Variants in GRB14 observed in about 807,000 individuals in gnomAD.
GRB14 encodes the protein growth factor receptor-bound protein 14.
Under a neutral mutation model 69.1 loss-of-function variants are expected in GRB14, and 38 were observed. That is an observed-to-expected ratio of 0.55 (90% CI 0.42 to 0.72). GRB14 has a LOEUF of 0.72. Among genes scored for constraint, GRB14 ranks in the 30% least tolerant of loss-of-function variants. GRB14 has a pLI of 0.00. For missense variants in GRB14, 666 were observed against 666.1 expected (o/e 1.00, Z 0.00); for synonymous variants, 247 against 241.3 (o/e 1.02, Z -0.22).
At chr2:164,516,525 T>C (rs1009157088) in intron 6 of GRB14, among the ~76,000 whole-genome samples, 4 of 150,102 alleles carry the variant, frequency 2.7e-5, no homozygotes, top group South Asian at 4.2e-4. Context: ...AGATTAACAG[T>C]GGATCTCTCA....
At chr2:164,602,901 T>C (rs1333250336) in intron 2 of GRB14, among the ~76,000 whole-genome samples, 1 of 152,200 alleles carries the variant, frequency 6.6e-6, no homozygotes, top group Non-Finnish European at 1.5e-5. Context: ...AGCTAGCTAT[T>C]TAAAGATTAA....
intron 3 of GRB14, among the ~76,000 whole-genome samples, chr2:164,541,367 G>A (rs1688235217): frequency 6.6e-6 from 1 of 151,930 alleles, no homozygotes; most frequent in Non-Finnish European, 1.5e-5. Context: ...AGCTACTTGG[G>A]AGGCTGAGGC....
intron 2 of GRB14, among the ~76,000 whole-genome samples, chr2:164,578,039 C>T (rs563940931): frequency 6.6e-6 from 1 of 152,164 alleles, no homozygotes; most frequent in South Asian, 2.1e-4. Context: ...TCAAGACTAG[C>T]CTGACCAACA....
At chr2:164,540,915 G>T (rs1251311902) in intron 3 of GRB14, among the ~76,000 whole-genome samples, 3 of 152,132 alleles carry the variant, frequency 2.0e-5, no homozygotes, top group Non-Finnish European at 4.4e-5. Flanking sequence ...ACTGATTTTT[G>T]TGGAATCTGT....
intron 2 of GRB14, among the ~76,000 whole-genome samples, chr2:164,561,200 C>G (rs1395061420): frequency 1.3e-5 from 2 of 152,106 alleles, no homozygotes; most frequent in African/African-American, 4.8e-5. Flanking sequence ...CAGGTGTTCA[C>G]AGTGGACAGG....
At chr2:164,601,732 C>T (rs551185369) in intron 2 of GRB14, among the ~76,000 whole-genome samples, 22 of 152,120 alleles carry the variant, frequency 1.4e-4, no homozygotes, top group Middle Eastern at 3.4e-3. Context: ...TATAAAGGTA[C>T]GATATATGCA....
At chr2:164,546,458 A>G (rs893829678) in intron 3 of GRB14, among the ~76,000 whole-genome samples, 1 of 152,206 alleles carries the variant, frequency 6.6e-6, no homozygotes, top group African/African-American at 2.4e-5. Flanking sequence ...CCAAATAAAT[A>G]GCACTGAGAT....
At chr2:164,516,350 T>C (rs572229371) in intron 6 of GRB14, among the ~76,000 whole-genome samples, 1 of 152,184 alleles carries the variant, frequency 6.6e-6, no homozygotes, top group East Asian at 1.9e-4. Context: ...AAACCTACCA[T>C]GGTGGCGTGC....
At chr2:164,547,946 T>C (rs1688428030) in intron 2 of GRB14, 130 bp from the exon 3 acceptor site, 3 of 580,108 alleles carry the variant, frequency 5.2e-6, no homozygotes, top group Admixed American at 3.5e-5. Flanking sequence ...AAAATGGTTA[T>C]ATAGTAAAAC....
chr2:164,541,917 T>C (rs1688249168), intron 3 of GRB14, among the ~76,000 whole-genome samples: 1 of 152,062 alleles, frequency 6.6e-6, no homozygotes, highest in Admixed American at 6.6e-5. Context: ...TCCATGAGTA[T>C]CCAATGTTTA....
At chr2:164,548,060 A>C (rs1446603458) in intron 2 of GRB14, among the ~76,000 whole-genome samples, 2 of 152,180 alleles carry the variant, frequency 1.3e-5, no homozygotes, top group Non-Finnish European at 2.9e-5. Flanking sequence ...TCAATACACT[A>C]TTATGAACCA....
intron 2 of GRB14, among the ~76,000 whole-genome samples, chr2:164,597,304 T>C (rs906533765): frequency 6.6e-6 from 1 of 152,220 alleles, no homozygotes; most frequent in African/African-American, 2.4e-5. Flanking sequence ...CATTTCACCC[T>C]CTTTCATAGT....
intron 2 of GRB14, among the ~76,000 whole-genome samples, chr2:164,596,332 G>T (rs189723560): frequency 8.5e-5 from 13 of 152,090 alleles, no homozygotes; most frequent in Admixed American, 8.5e-4. Context: ...AAGCAGTAAG[G>T]GTTGTTTTGT....
At chr2:164,570,393 A>G (rs1689099066) in intron 2 of GRB14, among the ~76,000 whole-genome samples, 1 of 152,144 alleles carries the variant, frequency 6.6e-6, no homozygotes. Flanking sequence ...CTATTTGCCA[A>G]ACCCTGTATC....
At chr2:164,599,747 A>G (rs1450295630) in intron 2 of GRB14, among the ~76,000 whole-genome samples, 1 of 152,210 alleles carries the variant, frequency 6.6e-6, no homozygotes, top group Non-Finnish European at 1.5e-5. Context: ...TATATCTTCA[A>G]TTCTCAGGCA....
At chr2:164,574,741 G>C (rs1030691222) in intron 2 of GRB14, among the ~76,000 whole-genome samples, 2 of 151,970 alleles carry the variant, frequency 1.3e-5, no homozygotes, top group Non-Finnish European at 2.9e-5. Flanking sequence ...AGGAATTTGA[G>C]ATCAGCCTGG....
chr2:164,595,899 G>A (rs1333504139), intron 2 of GRB14, among the ~76,000 whole-genome samples: 3 of 152,288 alleles, frequency 2.0e-5, no homozygotes, highest in African/African-American at 7.2e-5. Flanking sequence ...GCCAAGGCGG[G>A]CGAATGACAA....
intron 2 of GRB14, among the ~76,000 whole-genome samples, chr2:164,581,417 A>G (rs953234588): frequency 2.0e-5 from 3 of 152,218 alleles, no homozygotes; most frequent in African/African-American, 7.2e-5. Context: ...GATCAGAGTG[A>G]GAGAAGCTAA....
intron 2 of GRB14, among the ~76,000 whole-genome samples, chr2:164,614,953 C>G (rs1452042208): frequency 1.3e-5 from 2 of 152,022 alleles, no homozygotes; most frequent in Middle Eastern, 3.2e-3. Flanking sequence ...AAAGGCCGAG[C>G]ATATGGAAAA....
Sources: gnomAD v4.1 joint callset for allele counts (sites outside exome capture counted in the v4.1 genomes callset) on GRCh38, gnomAD v4.1.1 for gene constraint, MANE v1.5 for transcripts, NCBI Gene and HGNC (gene_info 2026-07-23, HGNC 2026-07-21) for gene names.